Variants in GPR176 observed in about 807,000 individuals in gnomAD.
GPR176 encodes the protein G-protein coupled receptor 176.
Under a neutral mutation model 35.4 loss-of-function variants are expected in GPR176, and 26 were observed. The observed-to-expected ratio is 0.74, with a 90% confidence interval of 0.54 to 1.02. The LOEUF is 1.02. Ranked by LOEUF, GPR176 falls within the 50% of genes least tolerant of loss-of-function variation. The probability of loss-of-function intolerance (pLI) is 0.00; values close to 1 mark genes in which losing one functional copy is unlikely to be tolerated. For synonymous variants in GPR176, 278 were observed against 271.3 expected (o/e 1.02, Z -0.24); for missense variants, 597 against 665.3 (o/e 0.90, Z 1.13).
At chr15:39,895,423 T>C (rs1001845940) in intron 1 of GPR176, among the ~76,000 whole-genome samples, 1 of 152,198 alleles carries the variant, frequency 6.6e-6, no homozygotes, top group African/African-American at 2.4e-5. Flanking sequence ...TTAAAACCAG[T>C]ATAAATACAA....
chr15:39,811,003 A>G (rs1039375139), intron 1 of GPR176, among the ~76,000 whole-genome samples: 1 of 152,196 alleles, frequency 6.6e-6, no homozygotes, highest in African/African-American at 2.4e-5. Flanking sequence ...GAATTGTGTG[A>G]AGGGCATATT....
chr15:39,919,931 C>A lies in GPR176; in HGVS notation c.96G>T (p.Gly32=). ...EAAGVNRSAL[G]EFGEAQLYRQ... Reference sequence around the variant, plus strand: ...GGTACAGCTGCGCCTCGCCGAACTCCCCGAGCGCGCTGCGGTTCACACCCG... The same window carrying A: ...GGTACAGCTGCGCCTCGCCGAACTCACCGAGCGCGCTGCGGTTCACACCCG... The change falls in exon 1 of 3, where the codon GGG becomes GGT. Residue 32 remains glycine, a synonymous_variant. Transcript: ENST00000561100. 7.9e-6 allele frequency: 12 copies of A among 1,522,528 alleles called. No individual in the cohort carries two copies. The highest frequency in any genetic ancestry group is 2.7e-5 in the East Asian group (1 of 37,080). 94.3% of individuals were successfully genotyped at this position (1,522,528 alleles called of 1,614,324 possible).
At chr15:39,880,509 T>A (rs2032433805) in intron 1 of GPR176, among the ~76,000 whole-genome samples, 1 of 152,210 alleles carries the variant, frequency 6.6e-6, no homozygotes, top group South Asian at 2.1e-4. Context: ...CAATACTTGA[T>A]GACCCTCCAG....
At chr15:39,894,264 A>ACCCT (rs2033009582) in intron 1 of GPR176, among the ~76,000 whole-genome samples, 1 of 91,974 alleles carries the variant, frequency 1.1e-5, no homozygotes, top group Admixed American at 1.1e-4. Context: ...TTGGGGGCTG[A>ACCCT]CCCCCCCACC....
intron 1 of GPR176, among the ~76,000 whole-genome samples, chr15:39,836,112 T>C (rs12898218): frequency 0.29 from 43,588 of 151,894 alleles, 7,122 homozygotes; most frequent in Non-Finnish European, 0.38. Context: ...CAAACAAATA[T>C]ATAAGTAAAT....
At chr15:39,874,241 C>T (rs2032157795) in intron 1 of GPR176, among the ~76,000 whole-genome samples, 1 of 152,116 alleles carries the variant, frequency 6.6e-6, no homozygotes, top group African/African-American at 2.4e-5. Flanking sequence ...AGTAACTCCC[C>T]TCAATAGTAA....
intron 1 of GPR176, among the ~76,000 whole-genome samples, chr15:39,898,186 G>C (rs888664935): frequency 6.6e-6 from 1 of 152,094 alleles, no homozygotes; most frequent in Admixed American, 6.5e-5. Context: ...AACACACAAT[G>C]ATAAACTAAT....
intron 1 of GPR176, among the ~76,000 whole-genome samples, chr15:39,825,141 G>A (rs906707757): frequency 1.3e-5 from 2 of 152,188 alleles, no homozygotes; most frequent in African/African-American, 2.4e-5. Context: ...CAGGAGGCCA[G>A]GGCCTCAGTG....
In GPR176 at chr15:39,799,436, G is replaced by A. The variant is rs528308706; in HGVS notation, c.*1696C>T. 1 of 152,278 alleles carries A rather than the reference G, an allele frequency of 6.6e-6. No homozygotes were observed. Among genetic ancestry groups the A allele is most frequent in the Non-Finnish European group, 1.5e-5 (1 of 68,092 alleles). The allele number at this position is 152,278 out of a possible 1,614,324, so 9.4% of individuals were successfully genotyped here. On this transcript the variant is annotated 3_prime_UTR_variant, in exon 3 of 3. Transcript: ENST00000561100. ...CTGCTGTGAGCAAACAGTGCTATGA[G>A]GAGACCAACACAAAGAGGAAGGTGC...
Position 39,807,069 on chromosome 15 carries a change from T to A in GPR176, c.362A>T (p.Lys121Ile). 6.2e-7 allele frequency: 1 copy of A among 1,613,890 alleles called. No homozygotes were observed. Among genetic ancestry groups the A allele is most frequent in the Non-Finnish European group, 8.5e-7 (1 of 1,179,842 alleles). The change falls in exon 2 of 3, where the codon AAA becomes ATA. Residue 121 changes from lysine to isoleucine, a missense_variant. Coordinates refer to ENST00000561100, the MANE Select transcript of GPR176 (RefSeq NM_007223.3). ...IYTMLFCKVV[K>I]FLHKVFCSVT... ...AGAGCAGAATACTTTGTGCAAAAAT[T>A]TGACGACCTTGCAGAAGAGCATGGT...
At chr15:39,845,007 T>C (rs899366545) in intron 1 of GPR176, among the ~76,000 whole-genome samples, 2 of 152,248 alleles carry the variant, frequency 1.3e-5, no homozygotes, top group South Asian at 2.1e-4. Context: ...CCTCAGAGCA[T>C]AGGTGTTACC....
At chr15:39,915,167 G>A (rs1004995420) in intron 1 of GPR176, among the ~76,000 whole-genome samples, 1 of 152,142 alleles carries the variant, frequency 6.6e-6, no homozygotes, top group African/African-American at 2.4e-5. Context: ...ACCAAAAGCT[G>A]GGTGGCTTTA....
At chr15:39,833,530 G>A (rs1227374368) in intron 1 of GPR176, among the ~76,000 whole-genome samples, 5 of 152,100 alleles carry the variant, frequency 3.3e-5, no homozygotes, top group Non-Finnish European at 7.4e-5. Flanking sequence ...GGATACTAAT[G>A]AGAAGACAGT....
chr15:39,839,422 C>T (rs1043754334), intron 1 of GPR176, among the ~76,000 whole-genome samples: 1 of 152,106 alleles, frequency 6.6e-6, no homozygotes, highest in Non-Finnish European at 1.5e-5. Context: ...ATTGGCTAGC[C>T]ATATGTAGAA....
chr15:39,916,741 C>T (rs766343359), intron 1 of GPR176, among the ~76,000 whole-genome samples: 7 of 152,082 alleles, frequency 4.6e-5, no homozygotes, highest in Non-Finnish European at 8.8e-5. Context: ...TTATTTTTTC[C>T]AGGTACTATT....
intron 1 of GPR176, among the ~76,000 whole-genome samples, chr15:39,825,858 G>A (rs1466116527): frequency 2.0e-5 from 3 of 152,122 alleles, no homozygotes; most frequent in African/African-American, 4.8e-5. Flanking sequence ...AGTGCTTCAT[G>A]GATGAGGCAT....
At chr15:39,893,561 C>T (rs2032955265) in intron 1 of GPR176, among the ~76,000 whole-genome samples, 2 of 152,248 alleles carry the variant, frequency 1.3e-5, no homozygotes, top group South Asian at 4.1e-4. Context: ...ACTTTCCCGC[C>T]TTTCTATTCC....
chr15:39,859,532 A>T (rs917091817), intron 1 of GPR176, among the ~76,000 whole-genome samples: 15 of 151,496 alleles, frequency 9.9e-5, no homozygotes, highest in African/African-American at 3.4e-4. Flanking sequence ...ATTGGCAAGG[A>T]TGCAGAGAAA....
intron 1 of GPR176, among the ~76,000 whole-genome samples, chr15:39,817,068 C>CAAAAAAAAAAAAAAAAAA (rs58812005): frequency 1.3e-4 from 10 of 77,292 alleles, no homozygotes; most frequent in South Asian, 4.9e-4. Flanking sequence ...GATTCTGTCT[C>CAAAAAAAAAAAAAAAAAA]AAAAAAAAAA....
Sources: gnomAD v4.1 joint callset for allele counts (sites outside exome capture counted in the v4.1 genomes callset) on GRCh38, gnomAD v4.1.1 for gene constraint, MANE v1.5 for transcripts, NCBI Gene and HGNC (gene_info 2026-07-23, HGNC 2026-07-21) for gene names.